Variants in WDR87 observed in about 807,000 individuals in gnomAD.
WDR87 encodes WD repeat-containing protein 87.
WDR87 carries 56 observed loss-of-function variants against 83.3 expected under a neutral mutation model. The observed-to-expected ratio is 0.67, with a 90% CI of 0.54 to 0.84. WDR87 has a LOEUF of 0.84. WDR87 is among the 40% of genes least tolerant of loss of function. The probability of loss-of-function intolerance (pLI) is 0.00; values close to 1 mark genes in which losing one functional copy is unlikely to be tolerated. For missense variants in WDR87, 2,939 were observed against 3,431.9 expected, an observed-to-expected ratio of 0.86 and a Z score of 3.59; for synonymous variants, 1,173 against 1,250.6, an observed-to-expected ratio of 0.94 and a Z score of 1.31.
chr19:37,891,352 C>T (rs967196385), intron 5 of WDR87, among the ~76,000 whole-genome samples, 200 bp downstream of exon 5: 19 of 151,850 alleles, frequency 1.3e-4, no homozygotes, highest in African/African-American at 4.4e-4. Flanking sequence ...TTAGTAGAGA[C>T]GGGGTTTCAC....
rs753081646 is a variant in WDR87 at position 37,887,380 on chromosome 19, C to A, written c.6291G>T (p.Lys2097Asn). ...GQRKLAKASR[K>N]LIKKRESLSK... is the part of the protein sequence containing the mutation. ...AAAGGCTCTCCCTTTTTTTAATCAACTTCCTTGAAGCCTTGGCTAACTTTC... is the reference window on the plus strand; with the variant it reads ...AAAGGCTCTCCCTTTTTTTAATCAAATTCCTTGAAGCCTTGGCTAACTTTC... Residue 2097 changes from lysine to asparagine, a missense_variant, in exon 6 of 6, where the codon AAG becomes AAT. Physicochemically the swap from Lys to Asn is moderately conservative, Grantham distance 94. Transcript: ENST00000447313. The A allele has an allele frequency of 2.6e-6, 4 of 1,551,578 alleles. No homozygotes were observed. In the South Asian group the frequency reaches 3.6e-5, roughly 14 times the overall value.
chr19:37,899,240 G>T (rs2145440729), intron 1 of WDR87, among the ~76,000 whole-genome samples: 1 of 151,992 alleles, frequency 6.6e-6, no homozygotes, highest in South Asian at 2.1e-4. Flanking sequence ...CTAATATGGT[G>T]AAACCCCGTC....
chr19:37,891,096 T>A (rs977501157), intron 5 of WDR87, among the ~76,000 whole-genome samples: 12 of 151,870 alleles, frequency 7.9e-5, no homozygotes, highest in African/African-American at 2.7e-4. Flanking sequence ...CCTCCCTTAG[T>A]CCCTCACCCG....
chr19:37,886,932 T>C lies in WDR87; in HGVS notation c.6739A>G (p.Lys2247Glu). The C allele has an allele frequency of 6.4e-7, 1 of 1,551,762 alleles. No individual in the cohort carries two copies. The highest frequency in any genetic ancestry group is 8.7e-7 in the Non-Finnish European group (1 of 1,147,000). Residue 2247 changes from lysine to glutamate, a missense_variant, in exon 6 of 6, where the codon AAA becomes GAA. By Grantham distance (56) the Lys-to-Glu change is moderately conservative. Transcript: ENST00000447313. ...TGACTGGAAAACTTTTCTTTTGGTT[T>C]GTCACCTCTCTTGGCCTCTTTCCTC... ...RKRKEAKRGD[K>E]PKEKFSSQVD...
At chr19:37,905,149 T>G (rs1329309213) in intron 1 of WDR87, among the ~76,000 whole-genome samples, 1 of 151,530 alleles carries the variant, frequency 6.6e-6, no homozygotes, top group Non-Finnish European at 1.5e-5. Context: ...GGAGAGTCAC[T>G]TGAACCAGGG....
chr19:37,894,826 G>A lies in WDR87; in HGVS notation c.877C>T (p.Pro293Ser), dbSNP rs1243768529. The change falls in exon 4 of 6, where the codon CCA becomes TCA. Residue 293 changes from proline to serine, a missense_variant. By Grantham distance (74) the Pro-to-Ser change is moderately conservative. Coordinates refer to ENST00000447313, the MANE Select transcript of WDR87 (RefSeq NM_001291088.2). ...GCTGTTAGCAGGGTGTGGGCCTCTG[G>A]TCGGCTGCGGATACAGATCACTCCT... ...QSGVICIRSR[P>S]EAHTLLTAGS... is the part of the protein sequence containing the mutation. The A allele has an allele frequency of 6.4e-7, 1 of 1,551,710 alleles. No homozygotes were observed. The highest frequency in any genetic ancestry group is 8.7e-7 in the Non-Finnish European group (1 of 1,147,002).
Position 37,893,457 on chromosome 19 carries a change from A to AC in WDR87, c.2245dup (p.Val749GlyfsTer6). 1 of 1,552,032 alleles carries AC rather than the reference A, an allele frequency of 6.4e-7. No individual in the cohort carries two copies. The highest frequency in any genetic ancestry group is 8.7e-7 in the Non-Finnish European group (1 of 1,147,070). Reference sequence around the variant, plus strand: ...GCTCCCTTCCTCATCTTCTTCTATCACATGTGGCACAGAATGGTCAAAGGC... The same window carrying AC: ...GCTCCCTTCCTCATCTTCTTCTATCACCATGTGGCACAGAATGGTCAAAGGC... On this transcript the variant is annotated frameshift_variant, in exon 4 of 6. Coordinates refer to ENST00000447313, the MANE Select transcript of WDR87 (RefSeq NM_001291088.2). LOFTEE classifies it high-confidence loss of function.
intron 5 of WDR87, 64 bp downstream of exon 5, chr19:37,891,488 T>C: frequency 6.5e-7 from 1 of 1,527,144 alleles, no homozygotes; most frequent in Admixed American, 2.1e-5. Context: ...CTTGATCCAC[T>C]TTAACCCTAA....
In WDR87 at chr19:37,885,565, C is replaced by T; in HGVS notation, c.8106G>A (p.Met2702Ile). Residue 2702 changes from methionine to isoleucine, a missense_variant, in exon 6 of 6, where the codon ATG (methionine) becomes ATA (isoleucine). Coordinates refer to ENST00000447313, the MANE Select transcript of WDR87 (RefSeq NM_001291088.2). Reference protein sequence around the residue: ...QISIAHKEMEMQYFYPATRDI... With the variant: ...QISIAHKEMEIQYFYPATRDI... ...CTCTGGTGGCAGGATAAAAGTATTG[C>T]ATTTCCATCTCCTTGTGAGCAATGG... 1 of 1,551,704 alleles carries T rather than the reference C, an allele frequency of 6.4e-7. No homozygotes were observed. Among genetic ancestry groups the T allele is most frequent in the Non-Finnish European group, 8.7e-7 (1 of 1,147,002 alleles).
intron 2 of WDR87, 126 bp downstream of exon 2, chr19:37,898,039 G>A (rs939072986): frequency 3.4e-5 from 36 of 1,059,346 alleles, no homozygotes; most frequent in Non-Finnish European, 4.5e-5. Flanking sequence ...TGCTAAGGTG[G>A]TGACTATAGT....
chr19:37,902,271 G>A lies in WDR87; in HGVS notation c.-46-3986C>T, dbSNP rs141583336. Among the ~76,000 whole-genome samples the A allele has an allele frequency of 3.4e-4, 52 of 151,864 alleles. No homozygotes were observed. In the East Asian group the frequency reaches 9.7e-3, roughly 28 times the overall value. ...ACTCTGTCACCCAGGCTGGAGTGCCGTGGCACTATCTTGGCTCACTGCAAC... is the reference window on the plus strand; with the variant it reads ...ACTCTGTCACCCAGGCTGGAGTGCCATGGCACTATCTTGGCTCACTGCAAC... On this transcript the variant is annotated intron_variant, in intron 1 of 5. Transcript: ENST00000447313.
At chr19:37,906,432 C>T (rs2046329729) in intron 1 of WDR87, 67 bp downstream of exon 1, 1 of 152,220 alleles carries the variant, frequency 6.6e-6, no homozygotes, top group Non-Finnish European at 1.5e-5. Flanking sequence ...CCCTCACCCT[C>T]GGGCCTCCTG....
At position 37,886,813 on chromosome 19, in the gene WDR87, C is replaced by T. The variant is rs1043531117; in HGVS notation, c.6858G>A (p.Glu2286=). The stretch of plus-strand genomic sequence containing the variant: ...CCTCTTCTTCCTCCCTTTCCTCCTC[C>T]TCCTCAGAAGACAAACTCTCTTGCT... ...LEKQESLSSE[E]EEEREEEEER... Residue 2286 remains glutamate (E), a synonymous_variant, in exon 6 of 6, where the codon GAG becomes GAA. Transcript: ENST00000447313. 2.6e-6 allele frequency: 4 copies of T among 1,549,828 alleles called. No homozygotes were observed. The highest frequency in any genetic ancestry group is 3.5e-6 in the Non-Finnish European group (4 of 1,146,730).
At position 37,888,480 on chromosome 19, in the gene WDR87, T is replaced by C. The variant is rs1311246895; in HGVS notation, c.5191A>G (p.Ile1731Val). 3 of 1,552,000 alleles carry C rather than the reference T, an allele frequency of 1.9e-6. No individual in the cohort carries two copies. The highest frequency in any genetic ancestry group is 1.4e-5 in the African/African-American group (1 of 73,142). The stretch of plus-strand genomic sequence containing the variant: ...AGTTCTTCCACTTTCTGGGCCAATA[T>C]GTTTTTCACCTCAGCCAGTTTCCCT... ...KGGKLAEVKN[I>V]LAQKVEELPQ... The change falls in exon 6 of 6, where the codon ATA (isoleucine) becomes GTA (valine). Residue 1731 changes from isoleucine to valine, a missense_variant. Ile to Val is a conservative substitution (Grantham distance 29). Around this residue, in one of 3 missense-constraint regions of WDR87, gnomAD observed 2,160 missense variants for 2,533.1 expected, o/e 0.85. Coordinates refer to ENST00000447313, the MANE Select transcript of WDR87 (RefSeq NM_001291088.2).
Position 37,885,409 on chromosome 19 carries a change from G to A in WDR87, c.8262C>T (p.Pro2754=). 1 of 1,551,764 alleles carries A rather than the reference G, an allele frequency of 6.4e-7. No homozygotes were observed. The highest frequency in any genetic ancestry group is 1.2e-5 in the South Asian group (1 of 84,062). ...KLPKLEKKTQ[P]ISKKKEELPL... ...GCAACTCTTCCTTTTTTTTAGAAAT[G>A]GGCTGTGTCTTCTTCTCTAACTTGG... The change falls in exon 6 of 6, where the codon CCC becomes CCT. Residue 2754 remains proline (P), a synonymous_variant. Coordinates refer to ENST00000447313, the MANE Select transcript of WDR87 (RefSeq NM_001291088.2).
At position 37,895,115 on chromosome 19, in the gene WDR87, C is replaced by G; in HGVS notation, c.588G>C (p.Glu196Asp). 2 of 1,551,736 alleles carry G rather than the reference C, an allele frequency of 1.3e-6. No individual in the cohort carries two copies. Among genetic ancestry groups the G allele is most frequent in the Non-Finnish European group, 1.7e-6 (2 of 1,147,006 alleles). Residue 196 changes from glutamate (E) to aspartate (D), a missense_variant, in exon 4 of 6, where the codon GAG (glutamate) becomes GAC (aspartate). Around this residue, in one of 3 missense-constraint regions of WDR87, gnomAD observed 226 missense variants for 320.9 expected, o/e 0.70. Coordinates refer to ENST00000447313, the MANE Select transcript of WDR87 (RefSeq NM_001291088.2). ...IAHMVSMPGD[E>D]LVQDIVLNGP... ...CATTCAGCACGATGTCCTGGACAAG[C>G]TCATCACCTGGCATGGAGACCATGT...
At position 37,894,328 on chromosome 19, in the gene WDR87, C is replaced by T. The variant is rs1400950754; in HGVS notation, c.1375G>A (p.Val459Ile). ...LGTSPNSQDF[V>I]QCLAYGHFNL... ...AAATGCCCATAAGCCAGGCATTGTA[C>T]AAAGTCCTGAGAATTTGGTGAGGTG... Residue 459 changes from valine (V) to isoleucine (I), a missense_variant, in exon 4 of 6, where the codon GTA becomes ATA. Val to Ile is a conservative substitution (Grantham distance 29). This residue lies in a region of WDR87 where 553 missense variants were observed against 577.9 expected (regional missense o/e 0.96). Coordinates refer to ENST00000447313, the MANE Select transcript of WDR87 (RefSeq NM_001291088.2). The T allele has an allele frequency of 6.4e-7, 1 of 1,551,638 alleles. No individual in the cohort carries two copies. Among genetic ancestry groups the T allele is most frequent in the Non-Finnish European group, 8.7e-7 (1 of 1,147,024 alleles).
At chr19:37,891,487 CT>C in intron 5 of WDR87, 64 bp downstream of exon 5, 1 of 1,526,176 alleles carries the variant, frequency 6.6e-7, no homozygotes, top group East Asian at 2.5e-5. Flanking sequence ...TCTTGATCCA[CT>C]TTAACCCTAA....
chr19:37,900,433 C>T (rs1038709124), intron 1 of WDR87, among the ~76,000 whole-genome samples: 10 of 151,476 alleles, frequency 6.6e-5, no homozygotes, highest in African/African-American at 9.7e-5. Context: ...CGGTGATGGG[C>T]GCCTGTAACT....
Sources: gnomAD v4.1 joint callset for allele counts (sites outside exome capture counted in the v4.1 genomes callset) on GRCh38, gnomAD v4.1.1 for gene constraint, gnomAD v4.1.1 regional missense constraint, MANE v1.5 for transcripts, NCBI Gene and HGNC (gene_info 2026-07-23, HGNC 2026-07-21) for gene names.